The following PLOD2 variants were observed in gnomAD, a reference collection of about 807,000 sequenced individuals.
PLOD2 encodes procollagen-lysine,2-oxoglutarate 5-dioxygenase 2, also known as lysine hydroxylase 2.
In PLOD2, 65 loss-of-function variants were observed where a neutral mutation model predicts 101.0. That is an observed-to-expected ratio of 0.64 (90% CI 0.53 to 0.79). PLOD2 has a LOEUF of 0.79. Ranked by LOEUF, PLOD2 falls within the 30% of genes least tolerant of loss-of-function variation. PLOD2 has a pLI of 0.00. For missense variants in PLOD2, 909 were observed against 914.6 expected (o/e 0.99, Z 0.08); for synonymous variants, 314 against 302.9 (o/e 1.04, Z -0.38).
chr3:146,088,500 G>T (rs1255131648), intron 9 of PLOD2, 86 bp downstream of exon 9: 5 of 966,264 alleles, frequency 5.2e-6, no homozygotes, highest in Non-Finnish European at 8.0e-6. Context: ...TTAACCCAAT[G>T]AATTTTATTT....
intron 1 of PLOD2, among the ~76,000 whole-genome samples, chr3:146,129,141 C>A (rs2030755128): frequency 6.6e-6 from 1 of 152,070 alleles, no homozygotes; most frequent in African/African-American, 2.4e-5. Context: ...TGTCTTTTAT[C>A]TGTAAAGATT....
At chr3:146,141,088 A>G (rs1264125031) in intron 1 of PLOD2, among the ~76,000 whole-genome samples, 2 of 152,092 alleles carry the variant, frequency 1.3e-5, no homozygotes, top group African/African-American at 2.4e-5. Flanking sequence ...ATAAATAATA[A>G]ATCAGATAAT....
chr3:146,132,487 G>A (rs879306043), intron 1 of PLOD2, among the ~76,000 whole-genome samples: 1 of 151,828 alleles, frequency 6.6e-6, no homozygotes, highest in Non-Finnish European at 1.5e-5. Flanking sequence ...AGACCAAGGT[G>A]CACCGAGACC....
rs1463864808 is a variant in PLOD2, at chr3:146,127,619, T to C, written c.110-3390A>G. Among the ~76,000 whole-genome samples the C allele has an allele frequency of 2.6e-5, 4 of 152,300 alleles. No individual in the cohort carries two copies. The East Asian group carries it at 5.8e-4, about 22-fold the overall frequency. On this transcript the variant is annotated intron_variant, in intron 1 of 19. Transcript: ENST00000282903. ...GGTTCCATGACTTTGTTGTTGTGAA[T>C]AGTGCTGCAATAAACTTATGAGTAT...
chr3:146,090,287 T>C (rs1004779403), intron 8 of PLOD2, among the ~76,000 whole-genome samples: 4 of 151,442 alleles, frequency 2.6e-5, no homozygotes, highest in Non-Finnish European at 4.4e-5. Flanking sequence ...TATATCCCTA[T>C]TGAAAAACAG....
chr3:146,099,879 A>ATTTTTTTTTT (rs1559848289), intron 7 of PLOD2, among the ~76,000 whole-genome samples: 1 of 123,200 alleles, frequency 8.1e-6, no homozygotes, highest in Non-Finnish European at 1.7e-5. Flanking sequence ...ACAGTGACCA[A>ATTTTTTTTTT]CTTTTTTTTT....
At chr3:146,110,812 G>A (rs1937616946) in intron 3 of PLOD2, among the ~76,000 whole-genome samples, 1 of 151,994 alleles carries the variant, frequency 6.6e-6, no homozygotes, top group African/African-American at 2.4e-5. Flanking sequence ...ATTTACGGAA[G>A]TTGCCATAAC....
intron 6 of PLOD2, among the ~76,000 whole-genome samples, 182 bp downstream of exon 6, chr3:146,104,097 G>T (rs562513832): frequency 3.3e-5 from 5 of 152,140 alleles, no homozygotes; most frequent in Non-Finnish European, 7.3e-5. Context: ...CATAGGAAAT[G>T]ATTTTAATTT....
In PLOD2 at chr3:146,121,235, C is replaced by T. The variant is rs764311981; in HGVS notation, c.215G>A (p.Gly72Glu). ...FNYTVKVLGQ[G>E]EEWRGGDGIN... Reference sequence around the variant, plus strand: ...TCCATCACCACCTCTCCATTCTTCTCCTTGACCAAGGACCTATAAACAAAA... The same window carrying T: ...TCCATCACCACCTCTCCATTCTTCTTCTTGACCAAGGACCTATAAACAAAA... Residue 72 changes from glycine (G) to glutamate (E), a missense_variant, in exon 3 of 20, where the codon GGA becomes GAA. Physicochemically the swap from Gly to Glu is moderately conservative, Grantham distance 98. Coordinates refer to ENST00000282903, the MANE Select transcript of PLOD2 (RefSeq NM_182943.3). 2 of 1,612,348 alleles carry T rather than the reference C, an allele frequency of 1.2e-6. No individual in the cohort carries two copies. Among genetic ancestry groups the T allele is most frequent in the South Asian group, 1.1e-5 (1 of 91,044 alleles).
chr3:146,118,088 C>T (rs1237159912), intron 3 of PLOD2, among the ~76,000 whole-genome samples: 1 of 151,988 alleles, frequency 6.6e-6, no homozygotes, highest in Non-Finnish European at 1.5e-5. Flanking sequence ...TGAAAATGTA[C>T]ATGTGGCAAG....
intron 3 of PLOD2, among the ~76,000 whole-genome samples, chr3:146,117,010 T>A (rs1376197682): frequency 6.6e-6 from 1 of 152,138 alleles, no homozygotes; most frequent in Admixed American, 6.6e-5. Context: ...GAATACGGGA[T>A]AATTATGGGG....
chr3:146,072,134 G>T (rs1936164072), intron 17 of PLOD2, among the ~76,000 whole-genome samples: 1 of 151,690 alleles, frequency 6.6e-6, no homozygotes, highest in African/African-American at 2.4e-5. Flanking sequence ...AAGGCACTCA[G>T]ATCCCTCCTT....
intron 7 of PLOD2, among the ~76,000 whole-genome samples, chr3:146,095,292 T>C (rs555947615): frequency 2.7e-5 from 4 of 150,522 alleles, no homozygotes; most frequent in Admixed American, 2.0e-4. Flanking sequence ...ACCTACAGAA[T>C]GGGAAAAAAA....
At chr3:146,110,552 C>A in intron 3 of PLOD2, 104 bp from the exon 4 acceptor site, 1 of 844,802 alleles carries the variant, frequency 1.2e-6, no homozygotes, top group Non-Finnish European at 1.9e-6. Flanking sequence ...GAATACAATG[C>A]AAGATTAATA....
At chr3:146,117,632 G>C (rs1284035321) in intron 3 of PLOD2, among the ~76,000 whole-genome samples, 1 of 152,040 alleles carries the variant, frequency 6.6e-6, no homozygotes, top group African/African-American at 2.4e-5. Flanking sequence ...ACTCTTCTTA[G>C]ACAACAACTT....
intron 1 of PLOD2, 72 bp from the exon 2 acceptor site, chr3:146,124,301 G>A: frequency 2.4e-6 from 2 of 824,728 alleles, no homozygotes; most frequent in South Asian, 1.4e-5. Flanking sequence ...ACTCACTACA[G>A]TAATTGAGAC....
Position 146,079,228 on chromosome 3 carries a change from T to G in PLOD2, c.1388A>C (p.Asn463Thr), listed in dbSNP as rs1162830577. The G allele has an allele frequency of 6.2e-7, 1 of 1,608,532 alleles. No homozygotes were observed. The part of the protein sequence containing the change: ...VGVWNVPYMA[N>T]VYLIKGKTLR... ...TGTCTTTCCTTTAATTAAGTACACATTAGCCATATATGGGACATTCCATAC... is the reference window on the plus strand; with the variant it reads ...TGTCTTTCCTTTAATTAAGTACACAGTAGCCATATATGGGACATTCCATAC... Residue 463 changes from asparagine (N) to threonine (T), a missense_variant, in exon 13 of 20, where the codon AAT (asparagine) becomes ACT (threonine). Coordinates refer to ENST00000282903, the MANE Select transcript of PLOD2 (RefSeq NM_182943.3).
At chr3:146,132,943 C>T (rs1366229488) in intron 1 of PLOD2, among the ~76,000 whole-genome samples, 1 of 152,116 alleles carries the variant, frequency 6.6e-6, no homozygotes, top group Non-Finnish European at 1.5e-5. Flanking sequence ...CTTTGGGAGG[C>T]CAAGGTGGGC....
At chr3:146,145,470 A>C (rs2031731655) in intron 1 of PLOD2, among the ~76,000 whole-genome samples, 1 of 152,168 alleles carries the variant, frequency 6.6e-6, no homozygotes, top group Non-Finnish European at 1.5e-5. Context: ...ACTCCAAATA[A>C]TGTGAGGAAG....
Sources: gnomAD v4.1 joint callset for allele counts (sites outside exome capture counted in the v4.1 genomes callset) on GRCh38, gnomAD v4.1.1 for gene constraint, MANE v1.5 for transcripts, NCBI Gene and HGNC (gene_info 2026-07-23, HGNC 2026-07-21) for gene names.